Variants in INPP4B observed in about 807,000 individuals in gnomAD.
INPP4B encodes the protein inositol polyphosphate-4-phosphatase type II B.
INPP4B carries 55 observed loss-of-function variants against 122.5 expected under a neutral mutation model. That is an observed-to-expected ratio of 0.45 (90% CI 0.36 to 0.56). INPP4B has a LOEUF of 0.56. Ranked by LOEUF, INPP4B falls within the 20% of genes least tolerant of loss-of-function variation. The probability of loss-of-function intolerance (pLI) is 0.00; values close to 1 mark genes in which losing one functional copy is unlikely to be tolerated. For synonymous variants in INPP4B, 403 were observed against 388.7 expected (o/e 1.04, Z -0.43); for missense variants, 1,000 against 1,097.7 (o/e 0.91, Z 1.26).
intron 21 of INPP4B, among the ~76,000 whole-genome samples, chr4:142,118,770 C>G (rs1024992314): frequency 2.6e-5 from 4 of 152,168 alleles, no homozygotes; most frequent in Admixed American, 1.3e-4. Context: ...AAAGCAATGG[C>G]AACAAAAGCC....
In INPP4B at chr4:142,024,162, T is replaced by A. The variant is rs1047796685; in HGVS notation, c.*4620A>T. ...GCAATATTTTATCTAAAACATTCAT[T>A]TTATTTTCCAATTCTTAAAGATAGT... On this transcript the variant is annotated 3_prime_UTR_variant, in exon 26 of 26. Transcript: ENST00000262992. 2.0e-5 allele frequency: 3 copies of A among 152,168 alleles called. No individual in the cohort carries two copies. Among genetic ancestry groups the A allele is most frequent in the African/African-American group, 7.2e-5 (3 of 41,454 alleles). 9.4% of individuals were successfully genotyped at this position (152,168 alleles called of 1,614,324 possible).
chr4:142,511,525 G>T (rs1176225460), intron 2 of INPP4B, among the ~76,000 whole-genome samples: 3 of 151,914 alleles, frequency 2.0e-5, no homozygotes, highest in Admixed American at 2.0e-4. Context: ...GTATTTTTTT[G>T]GAAAACAATA....
At chr4:142,553,958 A>C (rs1465368531) in intron 2 of INPP4B, among the ~76,000 whole-genome samples, 1 of 152,114 alleles carries the variant, frequency 6.6e-6, no homozygotes, top group African/African-American at 2.4e-5. Context: ...TGGGAGGCCG[A>C]AGTGGGCAGA....
intron 5 of INPP4B, chr4:142,423,845 T>G (rs1450570399): frequency 2.3e-6 from 1 of 438,494 alleles, no homozygotes; most frequent in Admixed American, 2.6e-5. Context: ...TTTATGTATT[T>G]TTTATGTACT....
chr4:142,651,326 C>A (rs1752920467), intron 2 of INPP4B, among the ~76,000 whole-genome samples: 1 of 151,956 alleles, frequency 6.6e-6, no homozygotes, highest in African/African-American at 2.4e-5. Flanking sequence ...GAAGCAAGAG[C>A]AAACAAATTC....
intron 15 of INPP4B, among the ~76,000 whole-genome samples, chr4:142,191,158 A>G (rs1026933591): frequency 3.3e-5 from 5 of 152,216 alleles, no homozygotes. Context: ...AAAAGACTCT[A>G]AAAGGTAGAC....
chr4:142,254,878 G>C (rs984129037), intron 11 of INPP4B, among the ~76,000 whole-genome samples: 4 of 151,880 alleles, frequency 2.6e-5, no homozygotes, highest in African/African-American at 9.7e-5. Flanking sequence ...TCCTCGAGAA[G>C]AGCAACTCCA....
chr4:142,453,383 T>C (rs1300650175), intron 3 of INPP4B, among the ~76,000 whole-genome samples: 1 of 152,194 alleles, frequency 6.6e-6, no homozygotes, highest in Non-Finnish European at 1.5e-5. Flanking sequence ...GAATTCCTTA[T>C]GATGATACTT....
chr4:142,091,080 G>C (rs1779317344), intron 23 of INPP4B, among the ~76,000 whole-genome samples: 1 of 152,168 alleles, frequency 6.6e-6, no homozygotes, highest in Non-Finnish European at 1.5e-5. Context: ...GTTCTCATAG[G>C]AGGGGAGGAT....
At chr4:142,565,824 G>C (rs957500979) in intron 2 of INPP4B, among the ~76,000 whole-genome samples, 1 of 152,082 alleles carries the variant, frequency 6.6e-6, no homozygotes, top group Admixed American at 6.5e-5. Flanking sequence ...AAGAGTCTTC[G>C]GATAAGACAT....
chr4:142,637,295 C>A (rs1043844708), intron 2 of INPP4B, among the ~76,000 whole-genome samples: 2 of 152,050 alleles, frequency 1.3e-5, no homozygotes, highest in Non-Finnish European at 2.9e-5. Context: ...CATTGTAGTA[C>A]AGTACAGAAT....
intron 12 of INPP4B, among the ~76,000 whole-genome samples, chr4:142,232,198 T>C (rs1854681728): frequency 6.6e-6 from 1 of 152,194 alleles, no homozygotes; most frequent in Non-Finnish European, 1.5e-5. Context: ...AATCATATAT[T>C]TTACATATAT....
chr4:142,134,388 T>C (rs889636989), intron 18 of INPP4B, among the ~76,000 whole-genome samples: 3 of 152,200 alleles, frequency 2.0e-5, no homozygotes, highest in African/African-American at 7.2e-5. Context: ...TAATTCATTG[T>C]ACAATTTTTA....
intron 12 of INPP4B, among the ~76,000 whole-genome samples, chr4:142,219,228 G>A (rs1195887490): frequency 6.6e-6 from 1 of 152,060 alleles, no homozygotes; most frequent in Non-Finnish European, 1.5e-5. Context: ...ACTGACAGTT[G>A]GAACACAGTT....
intron 2 of INPP4B, among the ~76,000 whole-genome samples, chr4:142,613,683 C>G (rs1743059189): frequency 6.6e-6 from 1 of 152,078 alleles, no homozygotes. Flanking sequence ...AATCATTTAA[C>G]AAAAAGCTAT....
At chr4:142,180,151 GTGA>G (rs1830149682) in intron 15 of INPP4B, among the ~76,000 whole-genome samples, 2 of 152,152 alleles carry the variant, frequency 1.3e-5, no homozygotes, top group African/African-American at 2.4e-5. Context: ...AAATGGGATT[GTGA>G]TGATGACTGC....
chr4:142,379,257 T>C (rs761774108), intron 7 of INPP4B, among the ~76,000 whole-genome samples: 1 of 152,180 alleles, frequency 6.6e-6, no homozygotes, highest in African/African-American at 2.4e-5. Context: ...AATATCCTTG[T>C]GAATTCACAC....
At chr4:142,659,051 T>G (rs1244577021) in intron 2 of INPP4B, among the ~76,000 whole-genome samples, 1 of 152,152 alleles carries the variant, frequency 6.6e-6, no homozygotes, top group Non-Finnish European at 1.5e-5. Context: ...AGGCCAAGTT[T>G]AAGACTAAAT....
intron 18 of INPP4B, among the ~76,000 whole-genome samples, chr4:142,131,673 C>T (rs866778621): frequency 1.6e-4 from 24 of 152,308 alleles, no homozygotes; most frequent in Middle Eastern, 6.8e-3. Flanking sequence ...ACATGCCCTA[C>T]AGCCGAGCGT....
Sources: gnomAD v4.1 joint callset for allele counts (sites outside exome capture counted in the v4.1 genomes callset) on GRCh38, gnomAD v4.1.1 for gene constraint, MANE v1.5 for transcripts, NCBI Gene and HGNC (gene_info 2026-07-23, HGNC 2026-07-21) for gene names.